Variants in TMEM38B observed in about 807,000 individuals in gnomAD.
TMEM38B encodes the protein trimeric intracellular cation channel type B.
A neutral mutation model predicts 28.7 loss-of-function variants in TMEM38B; 24 were observed. The ratio of observed to expected loss-of-function variants is 0.84; its 90% CI spans 0.61 to 1.18. The LOEUF (loss-of-function observed/expected upper bound fraction) is 1.18, where lower values mean the gene tolerates loss of function less well. Ranked by LOEUF, TMEM38B falls within the 50% of genes most tolerant of loss-of-function variation. The pLI is 0.00. For missense variants in TMEM38B, 380 were observed against 350.9 expected (o/e 1.08, Z -0.66); for synonymous variants, 131 against 127.7 (o/e 1.03, Z -0.17).
chr9:105,709,472 C>A (rs1835815071), intron 2 of TMEM38B, among the ~76,000 whole-genome samples: 1 of 152,052 alleles, frequency 6.6e-6, no homozygotes, highest in South Asian at 2.1e-4. Context: ...ACGAATAATA[C>A]ATCTCAAACA....
chr9:105,712,573 G>C (rs1283450926), intron 2 of TMEM38B, among the ~76,000 whole-genome samples: 1 of 152,176 alleles, frequency 6.6e-6, no homozygotes, highest in Non-Finnish European at 1.5e-5. Context: ...TCAGATTTAG[G>C]CTAGATCCCT....
intron 1 of TMEM38B, among the ~76,000 whole-genome samples, chr9:105,696,010 C>T (rs1287525572): frequency 1.3e-5 from 2 of 152,108 alleles, no homozygotes; most frequent in African/African-American, 2.4e-5. Context: ...CATTGTGGTC[C>T]AGGGACCCAT....
At chr9:105,704,664 G>A (rs533956848) in intron 1 of TMEM38B, among the ~76,000 whole-genome samples, 30 of 151,942 alleles carry the variant, frequency 2.0e-4, no homozygotes, top group Non-Finnish European at 3.8e-4. Flanking sequence ...GGTGGCTCAC[G>A]CCTGTAATTC....
chr9:105,771,511 G>A (rs1303897979), intron 5 of TMEM38B, among the ~76,000 whole-genome samples: 1 of 152,004 alleles, frequency 6.6e-6, no homozygotes, highest in African/African-American at 2.4e-5. Context: ...CTTCTCTTTT[G>A]GATTTTGTAA....
At chr9:105,724,222 AAG>A (rs1401470187) in intron 4 of TMEM38B, among the ~76,000 whole-genome samples, 3 of 152,234 alleles carry the variant, frequency 2.0e-5, no homozygotes, top group African/African-American at 7.2e-5. Context: ...CCCATAATTC[AAG>A]AAGGAAAAGA....
chr9:105,718,087 A>G (rs1353129604), intron 2 of TMEM38B, among the ~76,000 whole-genome samples: 2 of 152,170 alleles, frequency 1.3e-5, no homozygotes, highest in African/African-American at 4.8e-5. Flanking sequence ...TACACAGTAT[A>G]TTGGTTTGTA....
intron 2 of TMEM38B, among the ~76,000 whole-genome samples, chr9:105,717,547 A>G (rs956105126): frequency 2.0e-5 from 3 of 152,200 alleles, no homozygotes; most frequent in African/African-American, 7.2e-5. Context: ...ATAACCACAC[A>G]CAATAAGAAT....
At position 105,773,373 on chromosome 9, in the gene TMEM38B, G is replaced by A. The variant is rs933595608; in HGVS notation, c.661-492G>A. 8.5e-5 allele frequency among the ~76,000 whole-genome samples: 13 copies of A among 152,154 alleles called. No homozygotes were observed. The East Asian group carries it at 9.6e-4, about 11-fold the overall frequency. ...ATGATAGTCAGTGTATTTAGTAATC[G>A]AACTCAGAATCTGGATATTGCAAAC... On this transcript the variant is annotated intron_variant, in intron 5 of 5. Coordinates refer to ENST00000374692, the MANE Select transcript of TMEM38B (RefSeq NM_018112.3).
At position 105,721,578 on chromosome 9, in the gene TMEM38B, G is replaced by T. The variant is rs775101329; in HGVS notation, c.311G>T (p.Gly104Val). ...FFCPHDLVSQ[G>V]YSYLPVQLLA... ...TGCCCGCATGACCTAGTTTCCCAGG[G>T]CTATTCATATCTACCTGTTCAACTA... Residue 104 changes from glycine (G) to valine (V), a missense_variant, in exon 3 of 6, where the codon GGC becomes GTC. Coordinates refer to ENST00000374692, the MANE Select transcript of TMEM38B (RefSeq NM_018112.3). 2.0e-5 allele frequency: 33 copies of T among 1,612,314 alleles called. No homozygotes were observed. The South Asian group carries it at 3.5e-4, about 17-fold the overall frequency.
At chr9:105,697,451 T>C (rs1457150972) in intron 1 of TMEM38B, among the ~76,000 whole-genome samples, 1 of 152,242 alleles carries the variant, frequency 6.6e-6, no homozygotes, top group African/African-American at 2.4e-5. Flanking sequence ...TTGACAGTTC[T>C]ATTATTGGTC....
chr9:105,699,261 C>G (rs912614532), intron 1 of TMEM38B, among the ~76,000 whole-genome samples: 4 of 152,116 alleles, frequency 2.6e-5, no homozygotes, highest in African/African-American at 9.7e-5. Context: ...AACACCACTT[C>G]TTTTAGATTT....
At position 105,776,334 on chromosome 9, in the gene TMEM38B, G is replaced by C. The variant is rs2133663754; in HGVS notation, c.*2254G>C. ...CTCTTCCTTACTGAGGGAGTATCAA[G>C]TAAGGGCTGGAGAGAGACCAGATAT... is the stretch of plus-strand genomic sequence containing the variant. On this transcript the variant is annotated 3_prime_UTR_variant, in exon 6 of 6. Coordinates refer to ENST00000374692, the MANE Select transcript of TMEM38B (RefSeq NM_018112.3). 6.6e-6 allele frequency: 1 copy of C among 152,282 alleles called. No individual in the cohort carries two copies. Among genetic ancestry groups the C allele is most frequent in the South Asian group, 2.1e-4 (1 of 4,820 alleles). 9.4% of individuals were successfully genotyped at this position (152,282 alleles called of 1,614,324 possible).
intron 2 of TMEM38B, among the ~76,000 whole-genome samples, chr9:105,717,394 A>G (rs1836142343): frequency 1.3e-5 from 2 of 149,454 alleles, no homozygotes; most frequent in Non-Finnish European, 3.0e-5. Flanking sequence ...AATGTTGCTT[A>G]TGTACAGATA....
chr9:105,734,750 C>T (rs1836906555), intron 4 of TMEM38B, among the ~76,000 whole-genome samples: 1 of 151,984 alleles, frequency 6.6e-6, no homozygotes, highest in African/African-American at 2.4e-5. Context: ...GTATACCCAC[C>T]TCTGCTCTTT....
At chr9:105,724,903 C>T (rs1270638811) in intron 4 of TMEM38B, among the ~76,000 whole-genome samples, 5 of 152,224 alleles carry the variant, frequency 3.3e-5, no homozygotes, top group African/African-American at 1.2e-4. Context: ...TATGTTTCTA[C>T]TTTGTTCAGA....
rs367932362 is a variant in TMEM38B, at chr9:105,721,704, C to T, written c.437C>T (p.Ala146Val). Residue 146 changes from alanine (A) to valine (V), a missense_variant, in exon 3 of 6, where the codon GCT (alanine) becomes GTT (valine). Coordinates refer to ENST00000374692, the MANE Select transcript of TMEM38B (RefSeq NM_018112.3). ...YYKNGWIVMIAIGWARGAGGT... is the reference protein window; with the variant it reads ...YYKNGWIVMIVIGWARGAGGT... ...AAAAATGGCTGGATAGTCATGATAGCTATTGGATGGGCCCGAGGTAATATT... is the reference window on the plus strand; with the variant it reads ...AAAAATGGCTGGATAGTCATGATAGTTATTGGATGGGCCCGAGGTAATATT... 10 of 1,611,740 alleles carry T rather than the reference C, an allele frequency of 6.2e-6. No homozygotes were observed. In the Admixed American group the frequency reaches 1.0e-4, roughly 16 times the overall value.
intron 2 of TMEM38B, among the ~76,000 whole-genome samples, chr9:105,719,214 G>A (rs10512339): frequency 0.31 from 46,992 of 151,906 alleles, 7,562 homozygotes; most frequent in East Asian, 0.59. Context: ...TTTGTATCCC[G>A]TTTGAGACGT....
intron 2 of TMEM38B, among the ~76,000 whole-genome samples, chr9:105,716,120 CT>C (rs1408547498): frequency 2.0e-5 from 3 of 152,140 alleles, no homozygotes; most frequent in South Asian, 4.2e-4. Context: ...TGGTGTGGAC[CT>C]TTTCTTTCTT....
chr9:105,737,955 G>A (rs1837047610), intron 4 of TMEM38B, among the ~76,000 whole-genome samples: 1 of 152,168 alleles, frequency 6.6e-6, no homozygotes. Flanking sequence ...CAAGGGTAGG[G>A]CATTGTAGCA....
Sources: gnomAD v4.1 joint callset for allele counts (sites outside exome capture counted in the v4.1 genomes callset) on GRCh38, gnomAD v4.1.1 for gene constraint, MANE v1.5 for transcripts, NCBI Gene and HGNC (gene_info 2026-07-23, HGNC 2026-07-21) for gene names.